Variants in KIRREL3 observed in about 807,000 individuals in gnomAD.
KIRREL3 encodes the protein kirre like nephrin family adhesion molecule 3.
In KIRREL3, 36 loss-of-function variants were observed where a neutral mutation model predicts 89.7. The observed-to-expected ratio is 0.40, with a 90% CI of 0.31 to 0.53. The LOEUF is 0.53. KIRREL3 is among the 20% of genes least tolerant of loss of function. The pLI is 0.49. For missense variants in KIRREL3, 864 were observed against 1,056.6 expected (o/e 0.82, Z 2.53); for synonymous variants, 445 against 441.4 (o/e 1.01, Z -0.10).
intron 1 of KIRREL3, among the ~76,000 whole-genome samples, chr11:126,781,388 C>G (rs7120589): frequency 1.8e-4 from 27 of 152,110 alleles, no homozygotes; most frequent in African/African-American, 5.5e-4. Context: ...TTTAAAACAC[C>G]CATTATTCTA....
At chr11:126,831,844 G>C (rs932481254) in intron 1 of KIRREL3, among the ~76,000 whole-genome samples, 2 of 152,146 alleles carry the variant, frequency 1.3e-5, no homozygotes, top group East Asian at 3.9e-4. Context: ...ATGGCCAAGG[G>C]ACTAATGACA....
chr11:126,654,719 C>A (rs961248181), intron 1 of KIRREL3, among the ~76,000 whole-genome samples: 2 of 152,148 alleles, frequency 1.3e-5, no homozygotes, highest in Admixed American at 6.5e-5. Flanking sequence ...AGGTCTGAGC[C>A]CCTCAGACTC....
intron 1 of KIRREL3, among the ~76,000 whole-genome samples, chr11:126,680,203 C>A (rs1299842258): frequency 6.6e-6 from 1 of 152,150 alleles, no homozygotes; most frequent in African/African-American, 2.4e-5. Flanking sequence ...AGATCGGTTG[C>A]TTTCATGACC....
chr11:126,905,176 A>G lies in KIRREL3; in HGVS notation c.55+95279T>C, dbSNP rs1946528161. ...CAGAGGAGGAACGGGGCTTGATTCC[A>G]TGGCTTCCCTACTTGAAGGCAGGGC... On this transcript the variant is annotated intron_variant, in intron 1 of 16. Transcript: ENST00000525144. The surrounding 1 kb of genome is among the most constrained non-coding windows in gnomAD (Gnocchi z 5.0). Among the ~76,000 whole-genome samples, 1 of 152,058 alleles carries G rather than the reference A, an allele frequency of 6.6e-6. No individual in the cohort carries two copies. The highest frequency in any genetic ancestry group is 1.5e-5 in the Non-Finnish European group (1 of 68,010).
rs1951612611 is a variant in KIRREL3, at chr11:126,817,500, C to T, written c.55+182955G>A. Among the ~76,000 whole-genome samples, 1 of 152,138 alleles carries T rather than the reference C, an allele frequency of 6.6e-6. No individual in the cohort carries two copies. The highest frequency in any genetic ancestry group is 1.5e-5 in the Non-Finnish European group (1 of 68,030). ...GCTTCTACCTTCCCATTTCTCCCAC[C>T]AATCAGGCATTAGCATCCCCAGTCC... is the stretch of plus-strand genomic sequence containing the variant. On this transcript the variant is annotated intron_variant, in intron 1 of 16. Coordinates refer to ENST00000525144, the MANE Select transcript of KIRREL3 (RefSeq NM_032531.4). The surrounding 1 kb of genome is among the most constrained non-coding windows in gnomAD (Gnocchi z 5.7).
rs1286936927 is a variant in KIRREL3 at position 126,569,810 on chromosome 11, G to A, written c.56-6898C>T. Among the ~76,000 whole-genome samples, 1 of 152,082 alleles carries A rather than the reference G, an allele frequency of 6.6e-6. No individual in the cohort carries two copies. Among genetic ancestry groups the A allele is most frequent in the African/African-American group, 2.4e-5 (1 of 41,402 alleles). ...GTCTTAGTTTTGGATGTCTACCAAT[G>A]GCCCTCTCATTGGTTTTTGTCTATC... On this transcript the variant is annotated intron_variant, in intron 1 of 16. Transcript: ENST00000525144. This position sits in a 1 kb window ranked among gnomAD's most constrained non-coding sequence, Gnocchi z 6.5.
intron 1 of KIRREL3, among the ~76,000 whole-genome samples, chr11:126,921,599 TA>T (rs1360184364): frequency 0.019 from 744 of 39,958 alleles, 63 homozygotes; most frequent in African/African-American, 0.035. Flanking sequence ...TCTATCTATC[TA>T]TCTATCTATC....
At chr11:126,774,780 A>T (rs1592109544) in intron 1 of KIRREL3, among the ~76,000 whole-genome samples, 1 of 152,108 alleles carries the variant, frequency 6.6e-6, no homozygotes, top group East Asian at 1.9e-4. Flanking sequence ...AGAGACGCTG[A>T]CCCATCTTCT....
chr11:126,934,458 A>C (rs1948090551), intron 1 of KIRREL3, among the ~76,000 whole-genome samples: 2 of 152,230 alleles, frequency 1.3e-5, no homozygotes, highest in Non-Finnish European at 2.9e-5. Context: ...GAACTTCATC[A>C]AAATTAAAAA....
intron 1 of KIRREL3, among the ~76,000 whole-genome samples, chr11:126,893,406 A>C (rs1454232906): frequency 6.6e-6 from 1 of 152,222 alleles, no homozygotes; most frequent in African/African-American, 2.4e-5. Flanking sequence ...TCATTTTGCT[A>C]TTCTTCATAA....
rs1013160830 is a variant in KIRREL3 at position 126,428,991 on chromosome 11, C to G, written c.1806+188G>C. Among the ~76,000 whole-genome samples, 1 of 152,208 alleles carries G rather than the reference C, an allele frequency of 6.6e-6. No homozygotes were observed. The highest frequency in any genetic ancestry group is 2.4e-5 in the African/African-American group (1 of 41,454). On this transcript the variant is annotated intron_variant, in intron 15 of 16. Coordinates refer to ENST00000525144, the MANE Select transcript of KIRREL3 (RefSeq NM_032531.4). This position sits in a 1 kb window ranked among gnomAD's most constrained non-coding sequence, Gnocchi z 6.4. ...CTTTGAGTCTGCCAGAACACAAGCA[C>G]AGTACAGCAGGCACACACTCACATT...
chr11:126,609,872 T>C lies in KIRREL3; in HGVS notation c.56-46960A>G, dbSNP rs1236271458. Among the ~76,000 whole-genome samples the C allele has an allele frequency of 3.9e-5, 6 of 152,146 alleles. No individual in the cohort carries two copies. Among genetic ancestry groups the C allele is most frequent in the African/African-American group, 1.4e-4 (6 of 41,402 alleles). ...TGATTATGAACAACAGCAGCTAACA[T>C]TAATAGAACCTGATGATGCGATAGG... On this transcript the variant is annotated intron_variant, in intron 1 of 16. Transcript: ENST00000525144. The surrounding 1 kb of genome is among the most constrained non-coding windows in gnomAD (Gnocchi z 5.0).
At chr11:126,863,525 G>A (rs1432425315) in intron 1 of KIRREL3, among the ~76,000 whole-genome samples, 4 of 150,834 alleles carry the variant, frequency 2.7e-5, no homozygotes, top group South Asian at 2.1e-4. Context: ...GTTTGAGTGC[G>A]TGTGTGAGTG....
At chr11:126,962,336 G>A (rs757238375) in intron 1 of KIRREL3, among the ~76,000 whole-genome samples, 3 of 152,178 alleles carry the variant, frequency 2.0e-5, no homozygotes, top group Non-Finnish European at 2.9e-5. Flanking sequence ...ATTAATAGGA[G>A]TTTGGAAGAA....
Position 126,473,474 on chromosome 11 carries a change from G to T in KIRREL3, c.434-8C>A. On this transcript the variant is annotated splice_polypyrimidine_tract_variant and splice_region_variant and intron_variant, in intron 4 of 16. Coordinates refer to ENST00000525144, the MANE Select transcript of KIRREL3 (RefSeq NM_032531.4). The stretch of plus-strand genomic sequence containing the variant: ...CGGGGTCATCAGGCGGCACTGCGGG[G>T]AGAGAAGCAGTGAGGTCAGGCCGAG... The T allele has an allele frequency of 6.5e-7, 1 of 1,541,484 alleles. No individual in the cohort carries two copies.
intron 1 of KIRREL3, among the ~76,000 whole-genome samples, chr11:126,838,534 G>C (rs1436297333): frequency 6.6e-6 from 1 of 152,176 alleles, no homozygotes; most frequent in Non-Finnish European, 1.5e-5. Context: ...GGTAAGAGGG[G>C]ACATTTGAGG....
intron 1 of KIRREL3, among the ~76,000 whole-genome samples, chr11:126,941,890 T>C (rs1948460027): frequency 6.6e-6 from 1 of 152,206 alleles, no homozygotes. Flanking sequence ...CTTTATTCAA[T>C]GCAAGCCATC....
At chr11:126,849,959 G>A (rs1289730686) in intron 1 of KIRREL3, among the ~76,000 whole-genome samples, 2 of 127,922 alleles carry the variant, frequency 1.6e-5, no homozygotes, top group Non-Finnish European at 3.3e-5. Context: ...GTATGAAAAC[G>A]CTTTTTAGTG....
At position 126,578,480 on chromosome 11, in the gene KIRREL3, G is replaced by A. The variant is rs149305155; in HGVS notation, c.56-15568C>T. Among the ~76,000 whole-genome samples the A allele has an allele frequency of 3.2e-4, 49 of 152,354 alleles. No individual in the cohort carries two copies. Among genetic ancestry groups the A allele is most frequent in the Admixed American group, 2.4e-3 (36 of 15,310 alleles). Reference sequence around the variant, plus strand: ...CCTACCTGCTAATAAGAGCGGGAGTGTGGATTGTGCACATAGGTGGGGACG... The same window carrying A: ...CCTACCTGCTAATAAGAGCGGGAGTATGGATTGTGCACATAGGTGGGGACG... On this transcript the variant is annotated intron_variant, in intron 1 of 16. Transcript: ENST00000525144. This position sits in a 1 kb window ranked among gnomAD's most constrained non-coding sequence, Gnocchi z 4.9.
Sources: allele counts gnomAD v4.1 joint callset (sites outside exome capture counted in the v4.1 genomes callset), GRCh38; gene constraint gnomAD v4.1.1; non-coding constraint Gnocchi (gnomAD v3.1); transcripts MANE v1.5; gene names NCBI Gene and HGNC (gene_info 2026-07-23, HGNC 2026-07-21).